The following EP400 variants were observed in gnomAD, a reference collection of about 807,000 sequenced individuals.
The protein encoded by EP400 is E1A binding protein p400, also known as E1A-binding protein p400.
Under a neutral mutation model 354.1 loss-of-function variants are expected in EP400, and 105 were observed. The observed-to-expected ratio is 0.30, with a 90% CI of 0.25 to 0.35. The LOEUF is 0.35. EP400 is among the 10% of genes least tolerant of loss of function. The pLI is 1.00. For synonymous variants in EP400, 1,646 were observed against 1,716.9 expected (o/e 0.96, Z 1.02); for missense variants, 3,280 against 4,121.0 (o/e 0.80, Z 5.59).
Position 131,990,054 on chromosome 12 carries a change from G to C in EP400, c.2500G>C (p.Ala834Pro), listed in dbSNP as rs1331523576. 1 of 1,613,162 alleles carries C rather than the reference G, an allele frequency of 6.2e-7. No individual in the cohort carries two copies. Among genetic ancestry groups the C allele is most frequent in the South Asian group, 1.1e-5 (1 of 90,970 alleles). ...KEEQSRLRRI[A>P]ASTAREIECF... The stretch of plus-strand genomic sequence containing the variant: ...AGAGCAGAGCAGACTGAGGCGGATA[G>C]CCGCCTCCACGGCCCGGGAGATAGA... Residue 834 changes from alanine to proline, a missense_variant, in exon 8 of 53, where the codon GCC becomes CCC. By Grantham distance (27) the Ala-to-Pro change is conservative. Transcript: ENST00000389561. This position sits in a 1 kb window ranked among gnomAD's most constrained non-coding sequence, Gnocchi z 4.2.
intron 41 of EP400, 51 bp from the exon 42 acceptor site, chr12:132,053,095 T>C: frequency 6.3e-7 from 1 of 1,591,020 alleles, no homozygotes; most frequent in Non-Finnish European, 8.6e-7. Flanking sequence ...GTGGTACTTG[T>C]CTGTCTTAAA....
rs1219477366 is a variant in EP400, at chr12:131,961,629, C to T, written c.1010C>T (p.Thr337Met). The T allele has an allele frequency of 2.1e-5, 34 of 1,592,722 alleles. No homozygotes were observed. Among genetic ancestry groups the T allele is most frequent in the African/African-American group, 2.7e-5 (2 of 74,590 alleles). Residue 337 changes from threonine (T) to methionine (M), a missense_variant, in exon 2 of 53, where the codon ACG becomes ATG. Transcript: ENST00000389561. The stretch of plus-strand genomic sequence containing the variant: ...CCAGGCCTTTCCAGCCTCCCACTCA[C>T]GTCTGTGGGGAACACGGGAATGAAG... Reference protein sequence around the residue: ...VPPGLSSLPLTSVGNTGMKKV... With the variant: ...VPPGLSSLPLMSVGNTGMKKV...
chr12:131,982,073 G>A lies in EP400; in HGVS notation c.1544-20G>A, dbSNP rs1349768542. 4 of 1,502,740 alleles carry A rather than the reference G, an allele frequency of 2.7e-6. No individual in the cohort carries two copies. Among genetic ancestry groups the A allele is most frequent in the African/African-American group, 1.4e-5 (1 of 71,662 alleles). 93.1% of individuals were successfully genotyped at this position (1,502,740 alleles called of 1,614,324 possible). A position where few individuals can be genotyped will look rare whatever the true frequency, so the allele number is the denominator to read the frequency against. On this transcript the variant is annotated intron_variant, in intron 4 of 52. Coordinates refer to ENST00000389561, the MANE Select transcript of EP400 (RefSeq NM_015409.5). ...CCACACTTGGGAATCAGTGCTTTTGGCACTTTTCTTATTTTGCAGGAGGAA... is the reference window on the plus strand; with the variant it reads ...CCACACTTGGGAATCAGTGCTTTTGACACTTTTCTTATTTTGCAGGAGGAA...
chr12:131,993,637 G>A (rs1398847257), intron 11 of EP400, among the ~76,000 whole-genome samples: 1 of 152,192 alleles, frequency 6.6e-6, no homozygotes, highest in Admixed American at 6.5e-5. Flanking sequence ...CAATTTTGTT[G>A]TTATGTGAAC....
At chr12:131,960,460 C>G in intron 1 of EP400, 125 bp from the exon 2 acceptor site, 4 of 963,450 alleles carry the variant, frequency 4.2e-6, no homozygotes, top group Non-Finnish European at 6.1e-6. Flanking sequence ...GAATGTGAGT[C>G]AGCTCTGTCG....
rs1488377231 is a variant in EP400 at position 132,078,607 on chromosome 12, C to G, written c.*934C>G. On this transcript the variant is annotated 3_prime_UTR_variant, in exon 53 of 53. Coordinates refer to ENST00000389561, the MANE Select transcript of EP400 (RefSeq NM_015409.5). Reference sequence around the variant, plus strand: ...GTCACAGCTGAGGGTACGATGAGGCCTGGGCTCAGTGAGCCAGGACGAATG... The same window carrying G: ...GTCACAGCTGAGGGTACGATGAGGCGTGGGCTCAGTGAGCCAGGACGAATG... 5 of 152,296 alleles carry G rather than the reference C, an allele frequency of 3.3e-5. No individual in the cohort carries two copies. In the East Asian group the frequency reaches 7.7e-4, roughly 23 times the overall value. The allele number at this position is 152,296 out of a possible 1,614,324, so 9.4% of individuals were successfully genotyped here.
At chr12:132,066,614 C>T (rs754899463) in intron 48 of EP400, 160 bp from the exon 49 acceptor site, 24 of 728,060 alleles carry the variant, frequency 3.3e-5, no homozygotes, top group African/African-American at 5.5e-5. Flanking sequence ...CATTTCCCTG[C>T]GGCGTGCAGA....
intron 23 of EP400, among the ~76,000 whole-genome samples, chr12:132,023,156 G>A (rs1371296673): frequency 6.7e-6 from 1 of 149,314 alleles, no homozygotes; most frequent in Non-Finnish European, 1.5e-5. Context: ...TTTGGAGATG[G>A]AGTTTCACTC....
rs1894359957 is a variant in EP400, at chr12:132,027,868, T to C, written c.5110-149T>C. 1 of 879,164 alleles carries C rather than the reference T, an allele frequency of 1.1e-6. No homozygotes were observed. The highest frequency in any genetic ancestry group is 1.8e-5 in the South Asian group (1 of 55,188). 54.5% of individuals were successfully genotyped at this position (879,164 alleles called of 1,614,324 possible). On this transcript the variant is annotated intron_variant, in intron 26 of 52. Coordinates refer to ENST00000389561, the MANE Select transcript of EP400 (RefSeq NM_015409.5). The surrounding 1 kb of genome is among the most constrained non-coding windows in gnomAD (Gnocchi z 4.9). ...CTATTTCCTGTAGCTCTCGGCTTCA[T>C]TTCTATCTCTATTTCCTGTAACACA...
rs1403030970 is a variant in EP400 at position 132,021,126 on chromosome 12, C to A, written c.4495C>A (p.Arg1499=). Reference sequence around the variant, plus strand: ...CTCTCAGGCTTCCGCCAGTGCTCCACGACACCAGCCCGCCTCGGCCTCCAG... The same window carrying A: ...CTCTCAGGCTTCCGCCAGTGCTCCAAGACACCAGCCCGCCTCGGCCTCCAG... ...QTSQASASAP[R]HQPASASSTA... The change falls in exon 23 of 53, where the codon CGA becomes AGA. Residue 1499 remains arginine (R), a synonymous_variant. Transcript: ENST00000389561. The A allele has an allele frequency of 1.2e-6, 2 of 1,600,190 alleles. No individual in the cohort carries two copies. The highest frequency in any genetic ancestry group is 8.5e-7 in the Non-Finnish European group (1 of 1,179,776).
chr12:132,045,953 C>T (rs1403899065), intron 39 of EP400, 53 bp downstream of exon 39: 43 of 1,592,256 alleles, frequency 2.7e-5, no homozygotes, highest in East Asian at 1.1e-4. Context: ...GTGTGGTGGC[C>T]GTGGCCTGCA....
In EP400 at chr12:131,990,014, A is replaced by C. The variant is rs1178469368; in HGVS notation, c.2460A>C (p.Glu820Asp). ...RHHEEKQLRE[E>D]RGKKEEQSRL... ...ACGAGGAGAAGCAGCTCCGTGAAGA[A>C]AGGGGGAAGAAGGAAGAGCAGAGCA... The change falls in exon 8 of 53, where the codon GAA (glutamate) becomes GAC (aspartate). Residue 820 changes from glutamate (E) to aspartate (D), a missense_variant. By Grantham distance (45) the Glu-to-Asp change is conservative. Coordinates refer to ENST00000389561, the MANE Select transcript of EP400 (RefSeq NM_015409.5). The surrounding 1 kb of genome is among the most constrained non-coding windows in gnomAD (Gnocchi z 4.2). 5.0e-6 allele frequency: 8 copies of C among 1,613,582 alleles called. No homozygotes were observed. The highest frequency in any genetic ancestry group is 1.7e-5 in the Admixed American group (1 of 59,840).
chr12:131,968,060 C>G (rs1679251786), intron 2 of EP400, among the ~76,000 whole-genome samples: 1 of 151,764 alleles, frequency 6.6e-6, no homozygotes, highest in African/African-American at 2.4e-5. Flanking sequence ...TTGTTTTTTT[C>G]TTCTCTTAAG....
chr12:132,005,517 T>A (rs1893550308), intron 13 of EP400, among the ~76,000 whole-genome samples: 1 of 152,214 alleles, frequency 6.6e-6, no homozygotes, highest in Non-Finnish European at 1.5e-5. Context: ...TAGTTTATTT[T>A]ACTTGGTATT....
At chr12:132,036,203 G>A (rs189985577) in intron 30 of EP400, among the ~76,000 whole-genome samples, 8 of 146,328 alleles carry the variant, frequency 5.5e-5, no homozygotes, top group Non-Finnish European at 7.5e-5. Context: ...CGTCATGGAA[G>A]CACACAGCCA....
At chr12:132,074,492 G>GTTGTCT (rs1565937794) in intron 51 of EP400, among the ~76,000 whole-genome samples, 1 of 152,132 alleles carries the variant, frequency 6.6e-6, no homozygotes, top group African/African-American at 2.4e-5. Context: ...TTATCGAGAC[G>GTTGTCT]TTGTCTTTGT....
chr12:132,012,923 G>T (rs1450419505), intron 16 of EP400, 86 bp from the exon 17 acceptor site: 1 of 1,393,730 alleles, frequency 7.2e-7, no homozygotes. Context: ...TCACTGGGTG[G>T]CAAGCTTTGG....
intron 1 of EP400, among the ~76,000 whole-genome samples, chr12:131,960,162 C>T (rs1891830783): frequency 1.3e-5 from 2 of 152,204 alleles, no homozygotes; most frequent in Admixed American, 6.5e-5. Flanking sequence ...TCAGACCTTG[C>T]TCTTCTGCCT....
At chr12:132,006,418 T>A in intron 14 of EP400, 116 bp downstream of exon 14, 4 of 1,280,372 alleles carry the variant, frequency 3.1e-6, no homozygotes, top group Non-Finnish European at 3.2e-6. Context: ...ACTGCAGAGT[T>A]GTCAGAAAAA....
Sources: gnomAD v4.1 joint callset for allele counts (sites outside exome capture counted in the v4.1 genomes callset) on GRCh38, gnomAD v4.1.1 for gene constraint, Gnocchi (gnomAD v3.1) non-coding constraint, MANE v1.5 for transcripts, NCBI Gene and HGNC (gene_info 2026-07-23, HGNC 2026-07-21) for gene names.